Variants in DAPK1 observed in about 807,000 individuals in gnomAD.
DAPK1 encodes death-associated protein kinase 1.
DAPK1 carries 56 observed loss-of-function variants against 144.9 expected under a neutral mutation model. The observed-to-expected ratio is 0.39, with a 90% CI of 0.31 to 0.48. The LOEUF is 0.48. DAPK1 is among the 20% of genes least tolerant of loss of function. The probability of loss-of-function intolerance (pLI) is 0.95; values close to 1 mark genes in which losing one functional copy is unlikely to be tolerated. For synonymous variants in DAPK1, 690 were observed against 749.0 expected (o/e 0.92, Z 1.29); for missense variants, 1,454 against 1,875.4 (o/e 0.78, Z 4.15).
At chr9:87,635,103 C>G (rs919607584) in intron 3 of DAPK1, among the ~76,000 whole-genome samples, 5 of 152,058 alleles carry the variant, frequency 3.3e-5, no homozygotes, top group African/African-American at 1.2e-4. Flanking sequence ...GCCATCCTGC[C>G]TCACAGAAGA....
intron 2 of DAPK1, among the ~76,000 whole-genome samples, chr9:87,506,360 C>G (rs187712473): frequency 6.6e-6 from 1 of 152,214 alleles, no homozygotes; most frequent in East Asian, 1.9e-4. Context: ...TCAGAACTTT[C>G]GCAGGCCTTA....
intron 18 of DAPK1, among the ~76,000 whole-genome samples, chr9:87,660,074 G>A (rs763189444): frequency 2.0e-4 from 31 of 152,292 alleles, no homozygotes; most frequent in African/African-American, 2.6e-4. Context: ...GCCAGGCCCC[G>A]TCCTCAGCCG....
In DAPK1 at chr9:87,686,874, G is replaced by A; in HGVS notation, c.2413+135G>A. 9 of 1,429,782 alleles carry A rather than the reference G, an allele frequency of 6.3e-6. No homozygotes were observed. Among genetic ancestry groups the A allele is most frequent in the Non-Finnish European group, 8.3e-6 (9 of 1,086,040 alleles). 88.6% of individuals were successfully genotyped at this position (1,429,782 alleles called of 1,614,324 possible). A position where few individuals can be genotyped will look rare whatever the true frequency, so the allele number is the denominator to read the frequency against. The stretch of plus-strand genomic sequence containing the variant: ...AATCCAACACAGACTGATATTCAGA[G>A]TGAGCCAGGACTGAAGCATGGCTGG... On this transcript the variant is annotated intron_variant, in intron 21 of 25. Coordinates refer to ENST00000408954, the MANE Select transcript of DAPK1 (RefSeq NM_004938.4). The surrounding 1 kb of genome is among the most constrained non-coding windows in gnomAD (Gnocchi z 4.2).
At chr9:87,649,579 G>A (rs766214790) in intron 15 of DAPK1, among the ~76,000 whole-genome samples, 15 of 152,182 alleles carry the variant, frequency 9.9e-5, no homozygotes, top group Non-Finnish European at 1.5e-4. Context: ...GCACCTGCAC[G>A]AAGGCTCTAT....
In DAPK1 at chr9:87,497,950, G is replaced by T; in HGVS notation, c.-266G>T. Reference sequence around the variant, plus strand: ...CGCGGAGGGGACTCGGCAACTCGCAGCGGCAGGGTCTGGGGCCGGCGCCTG... The same window carrying T: ...CGCGGAGGGGACTCGGCAACTCGCATCGGCAGGGTCTGGGGCCGGCGCCTG... On this transcript the variant is annotated 5_prime_UTR_variant, in exon 1 of 26. Coordinates refer to ENST00000408954, the MANE Select transcript of DAPK1 (RefSeq NM_004938.4). 1 of 396,768 alleles carries T rather than the reference G, an allele frequency of 2.5e-6. No homozygotes were observed. Among genetic ancestry groups the T allele is most frequent in the Middle Eastern group, 6.3e-4 (1 of 1,588 alleles). The allele number at this position is 396,768 out of a possible 1,614,324, so 24.6% of individuals were successfully genotyped here.
At chr9:87,694,643 G>A (rs1564074840) in intron 21 of DAPK1, among the ~76,000 whole-genome samples, 1 of 152,178 alleles carries the variant, frequency 6.6e-6, no homozygotes, top group Non-Finnish European at 1.5e-5. Context: ...TGTCCTTGGG[G>A]CAGATGAAAA....
chr9:87,498,972 C>T lies in DAPK1; in HGVS notation c.-106C>T. ...TGCCTTTTTTTTTTCTTCAAAAGGA[C>T]TGGAGACTGATGCATGAGGGGGCTA... On this transcript the variant is annotated splice_region_variant and 5_prime_UTR_variant, in exon 2 of 26. Transcript: ENST00000408954. 1 of 846,686 alleles carries T rather than the reference C, an allele frequency of 1.2e-6. No individual in the cohort carries two copies. The highest frequency in any genetic ancestry group is 2.5e-4 in the Middle Eastern group (1 of 4,022). The allele number at this position is 846,686 out of a possible 1,614,324, so 52.4% of individuals were successfully genotyped here. A position where few individuals can be genotyped will look rare whatever the true frequency, so the allele number is the denominator to read the frequency against.
At chr9:87,692,733 A>G (rs1825104632) in intron 21 of DAPK1, among the ~76,000 whole-genome samples, 1 of 151,866 alleles carries the variant, frequency 6.6e-6, no homozygotes, top group South Asian at 2.1e-4. Context: ...TATAGATTTG[A>G]TCTAGTGATG....
At chr9:87,624,787 C>T (rs1004733929) in intron 3 of DAPK1, among the ~76,000 whole-genome samples, 6 of 152,276 alleles carry the variant, frequency 3.9e-5, no homozygotes, top group Middle Eastern at 3.4e-3. Context: ...AGAGGCCTAG[C>T]GAAGCGAATT....
chr9:87,674,523 A>AAG (rs1300439137), intron 19 of DAPK1, among the ~76,000 whole-genome samples: 24 of 147,276 alleles, frequency 1.6e-4, no homozygotes, highest in African/African-American at 6.0e-4. Context: ...TCAAAAAAAA[A>AAG]AAAAAAAAAA....
intron 2 of DAPK1, chr9:87,554,239 A>G (rs561209315): frequency 1.3e-5 from 2 of 152,354 alleles, no homozygotes; most frequent in East Asian, 3.9e-4. Context: ...GCCATTAGTA[A>G]TCTCTTAAAC....
chr9:87,639,454 A>T lies in DAPK1; in HGVS notation c.524A>T (p.Lys175Ile). 6.2e-7 allele frequency: 1 copy of T among 1,613,462 alleles called. No individual in the cohort carries two copies. The highest frequency in any genetic ancestry group is 8.5e-7 in the Non-Finnish European group (1 of 1,179,920). ...AHKIDFGNEFKNIFGTPEFVA... is the reference protein window; with the variant it reads ...AHKIDFGNEFINIFGTPEFVA... The stretch of plus-strand genomic sequence containing the variant: ...AAAATTGACTTTGGAAATGAATTTA[A>T]AAACATATTTGGGACTCCAGAGTTT... The change falls in exon 5 of 26, where the codon AAA (lysine) becomes ATA (isoleucine). Residue 175 changes from lysine to isoleucine, a missense_variant. Around this residue, in one of 2 missense-constraint regions of DAPK1, gnomAD observed 429 missense variants for 637.5 expected, o/e 0.67. Coordinates refer to ENST00000408954, the MANE Select transcript of DAPK1 (RefSeq NM_004938.4).
At chr9:87,537,479 G>C (rs1460556213) in intron 2 of DAPK1, among the ~76,000 whole-genome samples, 1 of 152,026 alleles carries the variant, frequency 6.6e-6, no homozygotes, top group Non-Finnish European at 1.5e-5. Context: ...TATTTTGTAT[G>C]TGTAGTTTGG....
At chr9:87,588,479 C>T (rs1390253577) in intron 2 of DAPK1, among the ~76,000 whole-genome samples, 1 of 145,254 alleles carries the variant, frequency 6.9e-6, no homozygotes, top group African/African-American at 2.9e-5. Flanking sequence ...TTATTCAATT[C>T]AGTTTTGTTT....
chr9:87,498,963 TCA>T lies in DAPK1; in HGVS notation c.-108-6_-108-5del. ...TATTATTATTGCCTTTTTTTTTTCTTCAAAAGGACTGGAGACTGATGCATGAG... is the reference window on the plus strand; with the variant it reads ...TATTATTATTGCCTTTTTTTTTTCTTAAAGGACTGGAGACTGATGCATGAG... On this transcript the variant is annotated splice_region_variant and splice_polypyrimidine_tract_variant and intron_variant, in intron 1 of 25. Transcript: ENST00000408954. The T allele has an allele frequency of 1.3e-6, 1 of 753,818 alleles. No homozygotes were observed. Among genetic ancestry groups the T allele is most frequent in the Admixed American group, 2.3e-5 (1 of 43,354 alleles). The allele number at this position is 753,818 out of a possible 1,614,324, so 46.7% of individuals were successfully genotyped here.
chr9:87,573,778 T>A (rs932365442), intron 2 of DAPK1, among the ~76,000 whole-genome samples: 1 of 152,226 alleles, frequency 6.6e-6, no homozygotes, highest in African/African-American at 2.4e-5. Flanking sequence ...CAGGGTTGAT[T>A]TCATGCCCCT....
At chr9:87,678,015 G>A (rs1430431319) in intron 19 of DAPK1, among the ~76,000 whole-genome samples, 2 of 152,266 alleles carry the variant, frequency 1.3e-5, no homozygotes, top group African/African-American at 4.8e-5. Context: ...GCTGATTCAG[G>A]TAATCAGTCA....
intron 2 of DAPK1, among the ~76,000 whole-genome samples, chr9:87,590,558 G>A (rs1233039564): frequency 6.6e-6 from 1 of 151,672 alleles, no homozygotes; most frequent in African/African-American, 2.4e-5. Context: ...GTTCTTTGAG[G>A]CTTCCTGAAT....
chr9:87,533,157 C>T (rs923000593), intron 2 of DAPK1, among the ~76,000 whole-genome samples: 1 of 152,112 alleles, frequency 6.6e-6, no homozygotes, highest in Non-Finnish European at 1.5e-5. Context: ...TGTGTACATG[C>T]ACATAAAATA....
Sources: gnomAD v4.1 joint callset for allele counts (sites outside exome capture counted in the v4.1 genomes callset) on GRCh38, gnomAD v4.1.1 for gene constraint, gnomAD v4.1.1 regional missense constraint, Gnocchi (gnomAD v3.1) non-coding constraint, MANE v1.5 for transcripts, NCBI Gene and HGNC (gene_info 2026-07-23, HGNC 2026-07-21) for gene names.